Variants in BTBD9 observed in about 807,000 individuals in gnomAD.
BTBD9 encodes BTB/POZ domain-containing protein 9.
Under a neutral mutation model 64.3 loss-of-function variants are expected in BTBD9, and 49 were observed. The observed-to-expected ratio is 0.76, with a 90% confidence interval of 0.61 to 0.97. The LOEUF (loss-of-function observed/expected upper bound fraction) is 0.97. Among genes scored for constraint, BTBD9 ranks in the 50% least tolerant of loss-of-function variants. The probability of loss-of-function intolerance (pLI) is 0.00; values close to 1 mark genes in which losing one functional copy is unlikely to be tolerated. For synonymous variants in BTBD9, 260 were observed against 274.7 expected, an observed-to-expected ratio of 0.95 and a Z score of 0.53; for missense variants, 598 against 762.1, an observed-to-expected ratio of 0.78 and a Z score of 2.53.
chr6:38,619,808 C>G (rs1482628492), intron 1 of BTBD9, among the ~76,000 whole-genome samples: 6 of 152,218 alleles, frequency 3.9e-5, no homozygotes, highest in Admixed American at 3.9e-4. Context: ...ATTTCTCCCA[C>G]CTCCTCAGTT....
chr6:38,370,451 C>T (rs1765371912), intron 6 of BTBD9, among the ~76,000 whole-genome samples: 1 of 152,178 alleles, frequency 6.6e-6, no homozygotes, highest in African/African-American at 2.4e-5. Context: ...GCTTCTTTCC[C>T]ATGGTCATTA....
intron 1 of BTBD9, among the ~76,000 whole-genome samples, chr6:38,637,554 T>A (rs1436178211): frequency 1.3e-5 from 2 of 152,180 alleles, no homozygotes; most frequent in African/African-American, 4.8e-5. Flanking sequence ...TTTGTATATT[T>A]TACAGGATCA....
At chr6:38,464,008 G>C (rs1450261987) in intron 6 of BTBD9, among the ~76,000 whole-genome samples, 2 of 152,086 alleles carry the variant, frequency 1.3e-5, no homozygotes, top group African/African-American at 4.8e-5. Context: ...CTCCAGCCTG[G>C]GGAACAAAGT....
chr6:38,603,666 C>A (rs891448056), intron 1 of BTBD9, among the ~76,000 whole-genome samples: 1 of 152,230 alleles, frequency 6.6e-6, no homozygotes, highest in African/African-American at 2.4e-5. Flanking sequence ...CAAAGTTCCA[C>A]AAGGTGGAGA....
intron 6 of BTBD9, among the ~76,000 whole-genome samples, chr6:38,374,296 T>TACACATATATATATATATATATATACAC (rs1491482634): frequency 1.4e-5 from 1 of 70,664 alleles, no homozygotes; most frequent in African/African-American, 9.3e-5. Context: ...TATATATATA[T>TACACATATATATATATATATATATACAC]GTATATATAT....
At chr6:38,422,938 A>G (rs1467094592) in intron 6 of BTBD9, among the ~76,000 whole-genome samples, 3 of 152,120 alleles carry the variant, frequency 2.0e-5, no homozygotes, top group African/African-American at 7.2e-5. Context: ...TAAGTCAGAT[A>G]CATAGTGAGA....
intron 6 of BTBD9, among the ~76,000 whole-genome samples, chr6:38,378,231 T>C (rs1194684292): frequency 1.3e-5 from 2 of 151,346 alleles, no homozygotes; most frequent in Non-Finnish European, 2.9e-5. Flanking sequence ...CTAAAAATCA[T>C]AGGCAAAACT....
chr6:38,269,972 AG>A (rs1042167520), intron 8 of BTBD9, among the ~76,000 whole-genome samples: 1 of 152,188 alleles, frequency 6.6e-6, no homozygotes, highest in African/African-American at 2.4e-5. Flanking sequence ...TACAGAAACC[AG>A]GCTTTCCGGT....
rs1038051214 is a variant in BTBD9 at position 38,392,512 on chromosome 6, G to A, written c.1155-47419C>T. Among the ~76,000 whole-genome samples, 7 of 149,938 alleles carry A rather than the reference G, an allele frequency of 4.7e-5. No homozygotes were observed. In the East Asian group the frequency reaches 7.7e-4, roughly 17 times the overall value. On this transcript the variant is annotated intron_variant, in intron 6 of 10. Coordinates refer to ENST00000481247, the MANE Select transcript of BTBD9 (RefSeq NM_001099272.2). ...GGGTGCTACCCAATCTTGACTAAGCGTCTACTATACCAAAGACCTTGTTAG... is the reference window on the plus strand; with the variant it reads ...GGGTGCTACCCAATCTTGACTAAGCATCTACTATACCAAAGACCTTGTTAG...
chr6:38,248,051 A>G (rs1425815459), intron 9 of BTBD9, among the ~76,000 whole-genome samples: 1 of 152,222 alleles, frequency 6.6e-6, no homozygotes, highest in Non-Finnish European at 1.5e-5. Flanking sequence ...AAAGTCGACC[A>G]TTATGAATAT....
chr6:38,387,560 A>T (rs184019820), intron 6 of BTBD9, among the ~76,000 whole-genome samples: 57 of 152,226 alleles, frequency 3.7e-4, no homozygotes, highest in Admixed American at 3.3e-3. Flanking sequence ...AACAACAATA[A>T]CAATAATAAT....
chr6:38,616,131 CT>C (rs1777780807), intron 1 of BTBD9, among the ~76,000 whole-genome samples: 1 of 152,110 alleles, frequency 6.6e-6, no homozygotes, highest in Non-Finnish European at 1.5e-5. Context: ...TGGGGGTGGC[CT>C]CTAGGAACTG....
chr6:38,523,755 T>G (rs1292553886), intron 6 of BTBD9, among the ~76,000 whole-genome samples: 1 of 152,242 alleles, frequency 6.6e-6, no homozygotes, highest in African/African-American at 2.4e-5. Flanking sequence ...GCTAACTTTA[T>G]TTAAATCTCA....
intron 6 of BTBD9, among the ~76,000 whole-genome samples, chr6:38,495,229 T>G (rs1047407722): frequency 6.6e-6 from 1 of 152,204 alleles, no homozygotes; most frequent in African/African-American, 2.4e-5. Flanking sequence ...ATCTATGAAA[T>G]GAAGATAATT....
At chr6:38,424,609 C>T (rs1049203652) in intron 6 of BTBD9, among the ~76,000 whole-genome samples, 5 of 151,884 alleles carry the variant, frequency 3.3e-5, no homozygotes, top group Non-Finnish European at 5.9e-5. Flanking sequence ...CGCTGCCTCC[C>T]GGGTTCAAGA....
rs1766889091 is a variant in BTBD9 at position 38,173,823 on chromosome 6, T to C, written c.*1162A>G. The C allele has an allele frequency of 6.6e-6, 1 of 152,204 alleles. No homozygotes were observed. The highest frequency in any genetic ancestry group is 6.5e-5 in the Admixed American group (1 of 15,286). 9.4% of individuals were successfully genotyped at this position (152,204 alleles called of 1,614,324 possible). A position where few individuals can be genotyped will look rare whatever the true frequency, so the allele number is the denominator to read the frequency against. Reference sequence around the variant, plus strand: ...GAGGGGCAGGCAATGTTGTGCGCAGTTACCCAGGGCAGGCAGCACTGGAAT... The same window carrying C: ...GAGGGGCAGGCAATGTTGTGCGCAGCTACCCAGGGCAGGCAGCACTGGAAT... On this transcript the variant is annotated 3_prime_UTR_variant, in exon 11 of 11. Transcript: ENST00000481247.
At chr6:38,228,560 C>T (rs1763489409) in intron 9 of BTBD9, among the ~76,000 whole-genome samples, 1 of 150,688 alleles carries the variant, frequency 6.6e-6, no homozygotes, top group Admixed American at 6.6e-5. Context: ...TTTCTGTGAA[C>T]CTAAAACGGC....
chr6:38,314,286 C>T (rs1762955188), intron 7 of BTBD9, among the ~76,000 whole-genome samples: 1 of 151,904 alleles, frequency 6.6e-6, no homozygotes. Context: ...AGCTCCGCCT[C>T]CCGGGTTCAC....
chr6:38,408,298 C>G (rs1349662370), intron 6 of BTBD9, among the ~76,000 whole-genome samples: 1 of 152,148 alleles, frequency 6.6e-6, no homozygotes, highest in Non-Finnish European at 1.5e-5. Flanking sequence ...TTCAAGTCTG[C>G]AGTGAGCTAT....
Sources: gnomAD v4.1 joint callset for allele counts (sites outside exome capture counted in the v4.1 genomes callset) on GRCh38, gnomAD v4.1.1 for gene constraint, MANE v1.5 for transcripts, NCBI Gene and HGNC (gene_info 2026-07-23, HGNC 2026-07-21) for gene names.